TLN2: variants seen among roughly 807,000 people sequenced by gnomAD.
The protein encoded by TLN2 is talin 2, also known as talin-2.
A neutral mutation model predicts 294.7 loss-of-function variants in TLN2; 118 were observed. The ratio of observed to expected loss-of-function variants is 0.40; its 90% CI spans 0.34 to 0.47. The LOEUF (loss-of-function observed/expected upper bound fraction) is 0.47. Among genes scored for constraint, TLN2 ranks in the 20% least tolerant of loss-of-function variants. The pLI is 0.84. For missense variants in TLN2, 3,083 were observed against 3,282.2 expected (o/e 0.94, Z 1.48); for synonymous variants, 1,431 against 1,304.5 (o/e 1.10, Z -2.09).
intron 11 of TLN2, among the ~76,000 whole-genome samples, chr15:62,676,678 G>C (rs1186992586): frequency 6.6e-6 from 1 of 152,128 alleles, no homozygotes. Flanking sequence ...GCAGTGGCGC[G>C]ATCGTGGCTC....
intron 1 of TLN2, among the ~76,000 whole-genome samples, chr15:62,437,700 T>A (rs2035350995): frequency 6.6e-6 from 1 of 151,970 alleles, no homozygotes; most frequent in African/African-American, 2.4e-5. Flanking sequence ...CTGTTTTAGG[T>A]CAGGTTTACT....
chr15:62,465,650 A>G (rs530653344), intron 1 of TLN2, among the ~76,000 whole-genome samples: 22 of 152,336 alleles, frequency 1.4e-4, no homozygotes, highest in African/African-American at 4.8e-4. Context: ...TTCTCTATCC[A>G]TGAAACAATG....
At chr15:62,617,900 G>A (rs2048439988) in intron 2 of TLN2, among the ~76,000 whole-genome samples, 2 of 151,546 alleles carry the variant, frequency 1.3e-5, no homozygotes, top group Admixed American at 1.3e-4. Context: ...AGTCCTTTCT[G>A]AAAAGAAAGA....
rs753562656 is a variant in TLN2, at chr15:62,740,610, G to C, written c.3886-20G>C. 2 of 1,613,722 alleles carry C rather than the reference G, an allele frequency of 1.2e-6. No homozygotes were observed. Among genetic ancestry groups the C allele is most frequent in the Admixed American group, 3.3e-5 (2 of 59,978 alleles). Reference sequence around the variant, plus strand: ...GAAATGGACAGGCCCTAATAGCTCCGGCTCCTTTTGACCTTCCAGACAAAA... The same window carrying C: ...GAAATGGACAGGCCCTAATAGCTCCCGCTCCTTTTGACCTTCCAGACAAAA... On this transcript the variant is annotated intron_variant, in intron 31 of 58. Transcript: ENST00000636159.
chr15:62,834,632 G>C (rs936884948), intron 55 of TLN2: 1 of 152,022 alleles, frequency 6.6e-6, no homozygotes, highest in Non-Finnish European at 1.5e-5. Flanking sequence ...GTCCATGTCC[G>C]TCTCCCCACC....
At position 62,693,939 on chromosome 15, in the gene TLN2, C is replaced by T. The variant is rs552456187; in HGVS notation, c.1216-377C>T. ...TTTTTTAAAGGTCCTTGTATGAAGACCTGCTGATTTTCTTTCTTTTTTTTT... is the reference window on the plus strand; with the variant it reads ...TTTTTTAAAGGTCCTTGTATGAAGATCTGCTGATTTTCTTTCTTTTTTTTT... On this transcript the variant is annotated intron_variant, in intron 13 of 58. Transcript: ENST00000636159. Among the ~76,000 whole-genome samples, 8 of 149,810 alleles carry T rather than the reference C, an allele frequency of 5.3e-5. No individual in the cohort carries two copies. The South Asian group carries it at 1.7e-3, about 32-fold the overall frequency.
intron 1 of TLN2, among the ~76,000 whole-genome samples, chr15:62,484,593 T>C (rs2038285626): frequency 6.6e-6 from 1 of 151,994 alleles, no homozygotes; most frequent in African/African-American, 2.4e-5. Flanking sequence ...GCCCGGCTAA[T>C]TTTATGTACC....
chr15:62,747,713 A>G (rs1370181047), intron 32 of TLN2, among the ~76,000 whole-genome samples: 1 of 152,200 alleles, frequency 6.6e-6, no homozygotes, highest in African/African-American at 2.4e-5. Flanking sequence ...TCAAAAATTC[A>G]TGTATAGCTT....
At chr15:62,778,465 A>T (rs893064321) in intron 43 of TLN2, among the ~76,000 whole-genome samples, 1 of 152,244 alleles carries the variant, frequency 6.6e-6, no homozygotes, top group Non-Finnish European at 1.5e-5. Flanking sequence ...AGAAATTCAA[A>T]TGATAATCTT....
rs1047647686 is a variant in TLN2 at position 62,842,920 on chromosome 15, G to A, written c.*2310G>A. On this transcript the variant is annotated 3_prime_UTR_variant, in exon 59 of 59. Transcript: ENST00000636159. The stretch of plus-strand genomic sequence containing the variant: ...CACCCTGCACATGTGTATGTGAACG[G>A]CTTCGTGGCCGGTGTGGTGGTTTCT... 4.6e-5 allele frequency: 7 copies of A among 152,174 alleles called. No individual in the cohort carries two copies. The highest frequency in any genetic ancestry group is 7.3e-5 in the Non-Finnish European group (5 of 68,060). The allele number at this position is 152,174 out of a possible 1,614,324, so 9.4% of individuals were successfully genotyped here.
At chr15:62,794,196 C>T (rs1451853021) in intron 46 of TLN2, among the ~76,000 whole-genome samples, 1 of 152,178 alleles carries the variant, frequency 6.6e-6, no homozygotes, top group African/African-American at 2.4e-5. Flanking sequence ...GCTACCTGTC[C>T]CGGCTTTGGG....
intron 1 of TLN2, among the ~76,000 whole-genome samples, chr15:62,518,845 G>C (rs1365181892): frequency 1.3e-5 from 2 of 152,250 alleles, no homozygotes; most frequent in South Asian, 2.1e-4. Context: ...TGATCCACCA[G>C]CCTCAGCCTC....
At chr15:62,443,510 C>T (rs1263112152) in intron 1 of TLN2, among the ~76,000 whole-genome samples, 1 of 152,186 alleles carries the variant, frequency 6.6e-6, no homozygotes, top group Non-Finnish European at 1.5e-5. Context: ...TTCTTTTCCT[C>T]TTCATCAATT....
At chr15:62,543,206 C>G (rs2041799377) in intron 1 of TLN2, among the ~76,000 whole-genome samples, 1 of 152,202 alleles carries the variant, frequency 6.6e-6, no homozygotes, top group South Asian at 2.1e-4. Flanking sequence ...TGCCATTCCT[C>G]AGGAAGCCTT....
At chr15:62,709,717 C>CT (rs1555483275) in intron 21 of TLN2, among the ~76,000 whole-genome samples, 1 of 120,610 alleles carries the variant, frequency 8.3e-6, no homozygotes, top group Non-Finnish European at 1.7e-5. Flanking sequence ...ATCTTAAAGA[C>CT]TTTTTTTTTC....
chr15:62,722,202 G>A (rs2060190408), intron 25 of TLN2, 151 bp from the exon 26 acceptor site: 2 of 842,338 alleles, frequency 2.4e-6, no homozygotes, highest in Non-Finnish European at 3.4e-6. Flanking sequence ...GCTTGAGGTG[G>A]CAGTTTGGGA....
chr15:62,833,760 T>A (rs1256195163), intron 55 of TLN2, 131 bp downstream of exon 55: 13 of 1,338,112 alleles, frequency 9.7e-6, no homozygotes, highest in Non-Finnish European at 1.3e-5. Flanking sequence ...GAATTGCCAC[T>A]CTCTGTGCTG....
At chr15:62,669,141 T>G (rs2055086222) in intron 9 of TLN2, among the ~76,000 whole-genome samples, 1 of 152,242 alleles carries the variant, frequency 6.6e-6, no homozygotes, top group South Asian at 2.1e-4. Flanking sequence ...TCCATGATTT[T>G]TTTCCTTTTC....
Position 62,545,514 on chromosome 15 carries a change from T to TTGTGTGTGTGTGTGTGTGTG in TLN2, c.-237-44161_-237-44142dup, listed in dbSNP as rs56777565. ...TGAATCCAACTCTCTTTCTTTCTCT[T>TTGTGTGTGTGTGTGTGTGTG]TGTGTGTGTGTGTGTGTGTGTGTGT... On this transcript the variant is annotated intron_variant, in intron 1 of 58. Coordinates refer to ENST00000636159, the MANE Select transcript of TLN2 (RefSeq NM_015059.3). 2.9e-3 allele frequency among the ~76,000 whole-genome samples: 424 copies of TTGTGTGTGTGTGTGTGTGTG among 146,012 alleles called. 2 individuals carry two copies. Among genetic ancestry groups the TTGTGTGTGTGTGTGTGTGTG allele is most frequent in the African/African-American group, 0.01 (405 of 39,474 alleles).
Sources: allele counts gnomAD v4.1 joint callset (sites outside exome capture counted in the v4.1 genomes callset), GRCh38; gene constraint gnomAD v4.1.1; transcripts MANE v1.5; gene names NCBI Gene and HGNC (gene_info 2026-07-23, HGNC 2026-07-21).